FER1L6: variants seen among roughly 807,000 people sequenced by gnomAD.
FER1L6 encodes the protein fer-1 like family member 6.
Under a neutral mutation model 219.2 loss-of-function variants are expected in FER1L6, and 177 were observed. The ratio of observed to expected loss-of-function variants is 0.81; its 90% CI spans 0.71 to 0.91. The LOEUF is 0.91. Among genes scored for constraint, FER1L6 ranks in the 40% least tolerant of loss-of-function variants. The probability of loss-of-function intolerance (pLI) is 0.00; values close to 1 mark genes in which losing one functional copy is unlikely to be tolerated. For synonymous variants in FER1L6, 768 were observed against 824.3 expected (o/e 0.93, Z 1.17); for missense variants, 2,153 against 2,259.9 (o/e 0.95, Z 0.96).
intron 1 of FER1L6, among the ~76,000 whole-genome samples, chr8:123,936,779 A>G (rs1317184644): frequency 6.6e-6 from 1 of 152,146 alleles, no homozygotes; most frequent in Admixed American, 6.5e-5. Context: ...AGCCACTGAC[A>G]ATTGATAAAA....
Position 124,064,443 on chromosome 8 carries a change from C to T in FER1L6, c.3425C>T (p.Pro1142Leu), listed in dbSNP as rs1281162714. ...ADHIYVDVEP[P>L]PTVVPDSAQA... ...CACATTTATGTGGATGTTGAGCCACCTCCCACAGTGGTGCCCGACTCTGCC... is the reference window on the plus strand; with the variant it reads ...CACATTTATGTGGATGTTGAGCCACTTCCCACAGTGGTGCCCGACTCTGCC... Residue 1142 changes from proline (P) to leucine (L), a missense_variant, in exon 26 of 41, where the codon CCT becomes CTT. Physicochemically the swap from Pro to Leu is moderately conservative, Grantham distance 98. Coordinates refer to ENST00000522917, the MANE Select transcript of FER1L6 (RefSeq NM_001039112.2). 1 of 1,613,880 alleles carries T rather than the reference C, an allele frequency of 6.2e-7. No individual in the cohort carries two copies. The highest frequency in any genetic ancestry group is 8.5e-7 in the Non-Finnish European group (1 of 1,179,966).
At chr8:123,952,476 A>G (rs1004511753) in intron 1 of FER1L6, among the ~76,000 whole-genome samples, 14 of 152,212 alleles carry the variant, frequency 9.2e-5, no homozygotes, top group Admixed American at 8.5e-4. Context: ...CCAGGTTGGT[A>G]TGAGGGTTCC....
At chr8:123,916,597 C>T (rs1813197721) in intron 1 of FER1L6, among the ~76,000 whole-genome samples, 1 of 152,136 alleles carries the variant, frequency 6.6e-6, no homozygotes, top group Non-Finnish European at 1.5e-5. Context: ...TTGGAGTAAG[C>T]GCTCTGCTTT....
intron 21 of FER1L6, chr8:124,046,124 A>G: frequency 2.1e-6 from 1 of 471,010 alleles, no homozygotes; most frequent in South Asian, 3.6e-5. Context: ...TTCCATTTAA[A>G]TGGCAATTAA....
At chr8:124,072,194 C>A (rs535241548) in intron 31 of FER1L6, among the ~76,000 whole-genome samples, 2 of 152,294 alleles carry the variant, frequency 1.3e-5, no homozygotes, top group South Asian at 4.1e-4. Flanking sequence ...GGGGGAAGGA[C>A]CAAGGCAGAA....
At chr8:123,996,384 T>G (rs1227276551) in intron 12 of FER1L6, among the ~76,000 whole-genome samples, 1 of 152,160 alleles carries the variant, frequency 6.6e-6, no homozygotes, top group East Asian at 1.9e-4. Flanking sequence ...CCTGCTGAAA[T>G]GACTCCTTGG....
At chr8:124,061,642 G>A (rs1256277224) in intron 24 of FER1L6, among the ~76,000 whole-genome samples, 1 of 152,174 alleles carries the variant, frequency 6.6e-6, no homozygotes, top group African/African-American at 2.4e-5. Context: ...TTAAACCTGC[G>A]ACAAATTGTT....
At chr8:123,939,736 G>A (rs1235462212) in intron 1 of FER1L6, among the ~76,000 whole-genome samples, 1 of 152,162 alleles carries the variant, frequency 6.6e-6, no homozygotes, top group Non-Finnish European at 1.5e-5. Flanking sequence ...GGAAGACTCA[G>A]CAGCTGGAGC....
chr8:123,969,796 G>A (rs768317346), intron 5 of FER1L6, among the ~76,000 whole-genome samples: 1 of 151,306 alleles, frequency 6.6e-6, no homozygotes, highest in Non-Finnish European at 1.5e-5. Context: ...AGCCCTGGGA[G>A]GTTGAGGCTG....
chr8:123,887,700 TG>T (rs199830829), intron 1 of FER1L6, among the ~76,000 whole-genome samples: 1,617 of 12,222 alleles, frequency 0.13, 22 homozygotes, highest in African/African-American at 0.36. Flanking sequence ...GAAATTGTTG[TG>T]TGTGTGTGTC....
chr8:123,940,504 A>T (rs1814195057), intron 1 of FER1L6, among the ~76,000 whole-genome samples: 1 of 151,984 alleles, frequency 6.6e-6, no homozygotes, highest in Non-Finnish European at 1.5e-5. Context: ...AGCCTGGCTA[A>T]TTTTTGTATT....
intron 14 of FER1L6, among the ~76,000 whole-genome samples, chr8:124,012,459 C>T (rs1023324060): frequency 5.9e-5 from 9 of 152,338 alleles, no homozygotes; most frequent in African/African-American, 2.2e-4. Flanking sequence ...ATTCCTTTCT[C>T]AGTGCTGGCA....
intron 16 of FER1L6, among the ~76,000 whole-genome samples, chr8:124,020,756 C>T (rs1239018167): frequency 6.6e-6 from 1 of 152,086 alleles, no homozygotes; most frequent in African/African-American, 2.4e-5. Context: ...ATAGAACCTA[C>T]CTCATAAGGC....
chr8:124,119,837 C>T lies in FER1L6; in HGVS notation c.*47C>T. The stretch of plus-strand genomic sequence containing the variant: ...CCTCGCCATATACTAATCCTCTCTT[C>T]CTTATCTGGGAGCATCTAAGAACAT... On this transcript the variant is annotated 3_prime_UTR_variant, in exon 41 of 41. Coordinates refer to ENST00000522917, the MANE Select transcript of FER1L6 (RefSeq NM_001039112.2). The T allele has an allele frequency of 6.3e-7, 1 of 1,587,652 alleles. No homozygotes were observed.
chr8:123,936,910 CA>C (rs1436850953), intron 1 of FER1L6, among the ~76,000 whole-genome samples: 5 of 152,108 alleles, frequency 3.3e-5, no homozygotes, highest in African/African-American at 1.2e-4. Flanking sequence ...TGTTAAAGAA[CA>C]TTTTTTTTTG....
At chr8:123,892,590 C>T (rs899750867) in intron 1 of FER1L6, among the ~76,000 whole-genome samples, 1 of 152,184 alleles carries the variant, frequency 6.6e-6, no homozygotes, top group Non-Finnish European at 1.5e-5. Flanking sequence ...CATGCCTGGC[C>T]AGAGAGACAG....
intron 31 of FER1L6, among the ~76,000 whole-genome samples, chr8:124,074,664 A>T (rs905926714): frequency 6.6e-6 from 1 of 152,014 alleles, no homozygotes; most frequent in African/African-American, 2.4e-5. Flanking sequence ...AAAAAAAAAA[A>T]AAGAAAAAGA....
rs776342125 is a variant in FER1L6 at position 124,091,479 on chromosome 8, T to A, written c.4448T>A (p.Leu1483His). 8 of 1,613,820 alleles carry A rather than the reference T, an allele frequency of 5.0e-6. No homozygotes were observed. The highest frequency in any genetic ancestry group is 1.6e-4 in the Middle Eastern group (1 of 6,084). Residue 1483 changes from leucine to histidine, a missense_variant, in exon 34 of 41, where the codon CTC becomes CAC. Transcript: ENST00000522917. The part of the protein sequence containing the change: ...TSKPTEILTK[L>H]CKDNKLDGPY... Reference sequence around the variant, plus strand: ...AAACCCACCGAAATCCTCACTAAGCTCTGCAAAGACAACAAGCTGGATGGA... The same window carrying A: ...AAACCCACCGAAATCCTCACTAAGCACTGCAAAGACAACAAGCTGGATGGA...
At chr8:124,091,182 A>T (rs985124104) in intron 33 of FER1L6, among the ~76,000 whole-genome samples, 3 of 151,956 alleles carry the variant, frequency 2.0e-5, no homozygotes, top group African/African-American at 4.8e-5. Context: ...ACTTCAATTT[A>T]AAAAAAATGA....
Sources: allele counts gnomAD v4.1 joint callset (sites outside exome capture counted in the v4.1 genomes callset), GRCh38; gene constraint gnomAD v4.1.1; transcripts MANE v1.5; gene names NCBI Gene and HGNC (gene_info 2026-07-23, HGNC 2026-07-21).